Variants in SORL1 observed in about 807,000 individuals in gnomAD.
SORL1 encodes the protein sortilin-related receptor.
SORL1 carries 127 observed loss-of-function variants against 273.7 expected under a neutral mutation model. The observed-to-expected ratio is 0.46, with a 90% CI of 0.40 to 0.54. The LOEUF (loss-of-function observed/expected upper bound fraction) is 0.54, where lower values mean the gene tolerates loss of function less well. Ranked by LOEUF, SORL1 falls within the 20% of genes least tolerant of loss-of-function variation. SORL1 has a pLI of 0.00. For synonymous variants in SORL1, 1,031 were observed against 1,067.4 expected, an observed-to-expected ratio of 0.97 and a Z score of 0.66; for missense variants, 2,494 against 2,846.1, an observed-to-expected ratio of 0.88 and a Z score of 2.81.
rs148382208 is a variant in SORL1, at chr11:121,484,836, C to T, written c.529-3196C>T. Among the ~76,000 whole-genome samples, 18 of 152,280 alleles carry T rather than the reference C, an allele frequency of 1.2e-4. No homozygotes were observed. In the East Asian group the frequency reaches 3.5e-3, roughly 29 times the overall value. ...TGGTGTGATGTCGGCTCATTGCAAC[C>T]TCTGTCTCCCAGGTTCAAGCGATTC... is the stretch of plus-strand genomic sequence containing the variant. On this transcript the variant is annotated intron_variant, in intron 3 of 47. Coordinates refer to ENST00000260197, the MANE Select transcript of SORL1 (RefSeq NM_003105.6).
At chr11:121,555,121 G>A in intron 17 of SORL1, 66 bp from the exon 18 acceptor site, 1 of 1,514,554 alleles carries the variant, frequency 6.6e-7, no homozygotes, top group South Asian at 1.3e-5. Context: ...TACCCTTCAT[G>A]GGACTGACTT....
At chr11:121,475,728 G>A (rs561699600) in intron 2 of SORL1, among the ~76,000 whole-genome samples, 3 of 152,200 alleles carry the variant, frequency 2.0e-5, no homozygotes, top group Non-Finnish European at 2.9e-5. Flanking sequence ...TGGAATTGGA[G>A]GAAACTGTCA....
intron 12 of SORL1, among the ~76,000 whole-genome samples, chr11:121,540,674 T>C (rs2134882569): frequency 6.6e-6 from 1 of 152,312 alleles, no homozygotes; most frequent in African/African-American, 2.4e-5. Context: ...AAGAGCCTTT[T>C]CCCCAAAATT....
intron 13 of SORL1, among the ~76,000 whole-genome samples, chr11:121,544,211 T>C (rs1314009335): frequency 6.6e-6 from 1 of 152,068 alleles, no homozygotes; most frequent in African/African-American, 2.4e-5. Context: ...TGCTTCCCCA[T>C]CTTATCTTAC....
chr11:121,527,427 T>G (rs879431126), intron 11 of SORL1, among the ~76,000 whole-genome samples: 7 of 152,134 alleles, frequency 4.6e-5, no homozygotes, highest in Non-Finnish European at 1.0e-4. Flanking sequence ...TTTTGCATTA[T>G]TTGTGAGAGA....
At position 121,606,976 on chromosome 11, in the gene SORL1, T is replaced by C. The variant is rs770125293; in HGVS notation, c.5061+19T>C. The C allele has an allele frequency of 6.4e-7, 1 of 1,557,924 alleles. No individual in the cohort carries two copies. The highest frequency in any genetic ancestry group is 8.9e-7 in the Non-Finnish European group (1 of 1,129,156). ...GTACATTGTAAGTACCTTCCATGAG[T>C]TGGCTGTATGTGTGTTGGGGGTGCT... On this transcript the variant is annotated intron_variant, in intron 36 of 47. Transcript: ENST00000260197.
At chr11:121,470,218 A>G (rs1368210196) in intron 2 of SORL1, 95 bp downstream of exon 2, 3 of 807,912 alleles carry the variant, frequency 3.7e-6, no homozygotes, top group Non-Finnish European at 6.7e-6. Flanking sequence ...GTAGTGGGTA[A>G]TTGGAACATG....
chr11:121,598,715 CT>C lies in SORL1; in HGVS notation c.4519+2944del, dbSNP rs144369761. ...ATTTCATTCTAGGCCTTGATGTGCT[CT>C]GACTTGAGAGAAAAATCATCTTGGC... On this transcript the variant is annotated intron_variant, in intron 32 of 47. Transcript: ENST00000260197. Among the ~76,000 whole-genome samples the C allele has an allele frequency of 1.6e-3, 241 of 152,322 alleles. 1 individual carries two copies. Among genetic ancestry groups the C allele is most frequent in the African/African-American group, 5.5e-3 (230 of 41,554 alleles).
chr11:121,513,855 G>T (rs888270736), intron 7 of SORL1, among the ~76,000 whole-genome samples: 1 of 152,206 alleles, frequency 6.6e-6, no homozygotes, highest in African/African-American at 2.4e-5. Context: ...GTTCTCATGG[G>T]AAAATGAGGG....
intron 13 of SORL1, 35 bp from the exon 14 acceptor site, chr11:121,545,208 C>G: frequency 6.2e-7 from 1 of 1,609,126 alleles, no homozygotes; most frequent in South Asian, 1.1e-5. Context: ...ATGGGCCTGC[C>G]TCTAATGCTT....
chr11:121,537,270 T>C (rs187577532), intron 12 of SORL1, among the ~76,000 whole-genome samples: 1 of 152,126 alleles, frequency 6.6e-6, no homozygotes, highest in East Asian at 1.9e-4. Flanking sequence ...TAGGGTCCCT[T>C]TGAAGGATTT....
At position 121,627,015 on chromosome 11, in the gene SORL1, ACT is replaced by A. The variant is rs772242954; in HGVS notation, c.6365-535_6365-534del. The A allele has an allele frequency of 6.5e-6, 1 of 153,332 alleles. No homozygotes were observed. The highest frequency in any genetic ancestry group is 1.9e-4 in the East Asian group (1 of 5,188). The allele number at this position is 153,332 out of a possible 1,614,324, so 9.5% of individuals were successfully genotyped here. A position where few individuals can be genotyped will look rare whatever the true frequency, so the allele number is the denominator to read the frequency against. On this transcript the variant is annotated intron_variant, in intron 46 of 47. Transcript: ENST00000260197. This position sits in a 1 kb window ranked among gnomAD's most constrained non-coding sequence, Gnocchi z 4.9. ...ATATGGAAAGTTGTTTTTCTCCCTC[ACT>A]CTCTTTTTCACTTAAGTGAAAAACC...
intron 23 of SORL1, among the ~76,000 whole-genome samples, chr11:121,573,594 CAG>C (rs1321678016): frequency 1.3e-5 from 2 of 152,188 alleles, no homozygotes; most frequent in Non-Finnish European, 2.9e-5. Context: ...GCCTGGGCAA[CAG>C]AGCGAGACTC....
chr11:121,536,601 G>T, intron 12 of SORL1, among the ~76,000 whole-genome samples: 1 of 150,366 alleles, frequency 6.7e-6, no homozygotes. Context: ...GTAGAGACAG[G>T]TTTCGCCATG....
At chr11:121,520,050 A>T (rs921971776) in intron 8 of SORL1, among the ~76,000 whole-genome samples, 1 of 152,200 alleles carries the variant, frequency 6.6e-6, no homozygotes, top group African/African-American at 2.4e-5. Context: ...GAGGAGTTCA[A>T]GACCAGCCTC....
intron 24 of SORL1, chr11:121,577,025 G>A (rs778330156): frequency 3.7e-5 from 50 of 1,351,090 alleles, no homozygotes; most frequent in Non-Finnish European, 4.7e-5. Context: ...GGACAAGGAT[G>A]CTGTTGTCAA....
Position 121,632,059 on chromosome 11 carries a change from A to G in SORL1, c.*2496A>G, listed in dbSNP as rs3087925. 53,453 of 151,998 alleles carry G rather than the reference A, an allele frequency of 0.35. 11,024 individuals carry two copies. The highest frequency in any genetic ancestry group is 0.58 in the East Asian group (2,983 of 5,156). 9.4% of individuals were successfully genotyped at this position (151,998 alleles called of 1,614,324 possible). Reference sequence around the variant, plus strand: ...CACATAACTGTCTTCACTGTGACCAATCGGAGTCCCTGCTTGCTTGTGAAG... The same window carrying G: ...CACATAACTGTCTTCACTGTGACCAGTCGGAGTCCCTGCTTGCTTGTGAAG... On this transcript the variant is annotated 3_prime_UTR_variant, in exon 48 of 48. Coordinates refer to ENST00000260197, the MANE Select transcript of SORL1 (RefSeq NM_003105.6).
intron 14 of SORL1, among the ~76,000 whole-genome samples, chr11:121,547,643 A>G (rs1655816521): frequency 1.3e-5 from 2 of 151,786 alleles, no homozygotes; most frequent in Admixed American, 6.6e-5. Context: ...TTGCAGGCCA[A>G]ATGAGATCGT....
At chr11:121,607,038 G>A in intron 36 of SORL1, 81 bp downstream of exon 36, 1 of 1,190,080 alleles carries the variant, frequency 8.4e-7, no homozygotes, top group Non-Finnish European at 1.2e-6. Context: ...CGAGGGGGTT[G>A]ATTTGGTTTA....
Sources: allele counts gnomAD v4.1 joint callset (sites outside exome capture counted in the v4.1 genomes callset), GRCh38; gene constraint gnomAD v4.1.1; non-coding constraint Gnocchi (gnomAD v3.1); transcripts MANE v1.5; gene names NCBI Gene and HGNC (gene_info 2026-07-23, HGNC 2026-07-21).